Variants in FCAR observed in about 807,000 individuals in gnomAD.
FCAR encodes the protein immunoglobulin alpha Fc receptor.
In FCAR, 21 loss-of-function variants were observed where a neutral mutation model predicts 27.1. The observed-to-expected ratio is 0.77, with a 90% confidence interval of 0.55 to 1.11. FCAR has a LOEUF of 1.11. Ranked by LOEUF, FCAR falls within the 50% of genes most tolerant of loss-of-function variation. The pLI, the probability that FCAR is intolerant of heterozygous loss-of-function variation, is 0.00. For synonymous variants in FCAR, 134 were observed against 135.8 expected (o/e 0.99, Z 0.09); for missense variants, 404 against 358.4 (o/e 1.13, Z -1.03).
In FCAR at chr19:54,885,519, G is replaced by A. The variant is rs1293319481; in HGVS notation, c.355G>A (p.Val119Met). 2.5e-6 allele frequency: 4 copies of A among 1,609,398 alleles called. No homozygotes were observed. Among genetic ancestry groups the A allele is most frequent in the Non-Finnish European group, 3.4e-6 (4 of 1,175,768 alleles). Residue 119 changes from valine to methionine, a missense_variant, in exon 3 of 5, where the codon GTG becomes ATG. Transcript: ENST00000355524. The stretch of plus-strand genomic sequence containing the variant: ...GTACAGTGACACCCTGGAGCTGGTA[G>A]TGACAGGTAAGGAAACATCCAGGGT... ...FRYSDTLELV[V>M]TGLYGKPFLS... is the part of the protein sequence containing the mutation.
At chr19:54,882,801 T>G (rs114187966) in intron 2 of FCAR, among the ~76,000 whole-genome samples, 1 of 152,134 alleles carries the variant, frequency 6.6e-6, no homozygotes, top group African/African-American at 2.4e-5. Flanking sequence ...GTCGGTTGAG[T>G]ACAGTCGCTT....
At chr19:54,881,079 A>C (rs1237868079) in intron 2 of FCAR, among the ~76,000 whole-genome samples, 2 of 152,216 alleles carry the variant, frequency 1.3e-5, no homozygotes, top group African/African-American at 4.8e-5. Context: ...GCTTGGGGGC[A>C]GCAGGGGAAG....
intron 2 of FCAR, among the ~76,000 whole-genome samples, chr19:54,876,414 A>AG (rs2066091922): frequency 1.3e-5 from 2 of 152,240 alleles, no homozygotes; most frequent in African/African-American, 4.8e-5. Context: ...CCAGTTTTCA[A>AG]GGGGAATACT....
intron 1 of FCAR, among the ~76,000 whole-genome samples, chr19:54,874,696 GTTACTA>G (rs149228263): frequency 0.13 from 19,067 of 152,078 alleles, 1,357 homozygotes; most frequent in African/African-American, 0.2. Flanking sequence ...TAGAAATATG[GTTACTA>G]GTATTTTGTT....
chr19:54,884,371 C>A (rs1345038029), intron 2 of FCAR, among the ~76,000 whole-genome samples: 2 of 152,190 alleles, frequency 1.3e-5, no homozygotes, highest in African/African-American at 4.8e-5. Flanking sequence ...GTGGCTCACG[C>A]TTGTAATCCC....
chr19:54,875,472 T>A (rs2066043566), intron 2 of FCAR, 107 bp downstream of exon 2: 5 of 898,428 alleles, frequency 5.6e-6, no homozygotes, highest in African/African-American at 5.0e-5. Context: ...TAATCCCCAT[T>A]CTAGTTGTTT....
Position 54,889,902 on chromosome 19 carries a change from G to A in FCAR, c.*39G>A. The A allele has an allele frequency of 1.4e-6, 2 of 1,425,946 alleles. No individual in the cohort carries two copies. The highest frequency in any genetic ancestry group is 2.0e-6 in the Non-Finnish European group (2 of 1,024,794). 88.3% of individuals were successfully genotyped at this position (1,425,946 alleles called of 1,614,324 possible). A position where few individuals can be genotyped will look rare whatever the true frequency, so the allele number is the denominator to read the frequency against. ...AAGGCAGAGAGGAGCCAGGACTGTG[G>A]AGTCCGACAAAGCTACTTGAAGGAC... On this transcript the variant is annotated 3_prime_UTR_variant, in exon 5 of 5. Transcript: ENST00000355524.
chr19:54,888,065 GA>G lies in FCAR; in HGVS notation c.422del (p.Asn141IlefsTer88), dbSNP rs1226633818. ...DRGLVLMPGE[N>X]ISLTCSSAHI... Reference sequence around the variant, plus strand: ...GGGGTCTGGTGTTGATGCCAGGAGAGAATATTTCCCTCACGTGCAGCTCAGC... The same window carrying G: ...GGGGTCTGGTGTTGATGCCAGGAGAGATATTTCCCTCACGTGCAGCTCAGC... On this transcript the variant is annotated frameshift_variant, in exon 4 of 5. Transcript: ENST00000355524. LOFTEE classifies it high-confidence loss of function. The G allele has an allele frequency of 3.1e-6, 5 of 1,613,960 alleles. No homozygotes were observed. The highest frequency in any genetic ancestry group is 3.4e-6 in the Non-Finnish European group (4 of 1,179,950).
In FCAR at chr19:54,874,273, G is replaced by A; in HGVS notation, c.-17G>A. The A allele has an allele frequency of 6.2e-7, 1 of 1,614,128 alleles. No homozygotes were observed. ...GCATTGAAAGGAGAGCAACGGGGCTGAGGCCGTGTCAGCACGATGGACCCC... is the reference window on the plus strand; with the variant it reads ...GCATTGAAAGGAGAGCAACGGGGCTAAGGCCGTGTCAGCACGATGGACCCC... On this transcript the variant is annotated 5_prime_UTR_variant, in exon 1 of 5. Transcript: ENST00000355524.
Position 54,888,191 on chromosome 19 carries a change from T to C in FCAR, c.546T>C (p.Pro182=), listed in dbSNP as rs1266205959. ...GEHPANFSLG[P]VDLNVSGIYR... is the part of the protein sequence containing the mutation. ...ACCCGGCCAACTTCTCTTTGGGTCC[T>C]GTGGACCTCAATGTCTCAGGGATCT... The change falls in exon 4 of 5, where the codon CCT becomes CCC. Residue 182 remains proline (P), a synonymous_variant. Coordinates refer to ENST00000355524, the MANE Select transcript of FCAR (RefSeq NM_002000.4). 1 of 1,614,028 alleles carries C rather than the reference T, an allele frequency of 6.2e-7. No homozygotes were observed. The highest frequency in any genetic ancestry group is 8.5e-7 in the Non-Finnish European group (1 of 1,180,010).
intron 3 of FCAR, among the ~76,000 whole-genome samples, chr19:54,885,939 C>T (rs1356506292): frequency 1.3e-5 from 2 of 151,216 alleles, no homozygotes; most frequent in African/African-American, 4.9e-5. Flanking sequence ...TGGTGAATTC[C>T]CCGTCTCTAC....
chr19:54,875,046 C>T (rs987266529), intron 1 of FCAR, among the ~76,000 whole-genome samples: 2 of 152,058 alleles, frequency 1.3e-5, no homozygotes, highest in African/African-American at 4.8e-5. Flanking sequence ...TGGCGGGCGC[C>T]TGTAGTCCCA....
At chr19:54,883,039 T>C (rs2066511019) in intron 2 of FCAR, among the ~76,000 whole-genome samples, 1 of 151,034 alleles carries the variant, frequency 6.6e-6, no homozygotes, top group Admixed American at 6.6e-5. Context: ...CAGGGTCTTG[T>C]TCTGTCGCCC....
rs926932319 is a variant in FCAR, at chr19:54,890,799, AC to A, written c.*942del. The A allele has an allele frequency of 2.7e-5, 4 of 150,566 alleles. No homozygotes were observed. The highest frequency in any genetic ancestry group is 4.9e-5 in the African/African-American group (2 of 40,944). 9.3% of individuals were successfully genotyped at this position (150,566 alleles called of 1,614,324 possible). A position where few individuals can be genotyped will look rare whatever the true frequency, so the allele number is the denominator to read the frequency against. On this transcript the variant is annotated 3_prime_UTR_variant, in exon 5 of 5. Transcript: ENST00000355524. The stretch of plus-strand genomic sequence containing the variant: ...GTAAGCATGCCAAATATATTCAATA[AC>A]CCCCCTCCTTTATTTTTTTTTGTTG...
At chr19:54,875,609 T>C (rs2066051040) in intron 2 of FCAR, among the ~76,000 whole-genome samples, 1 of 152,242 alleles carries the variant, frequency 6.6e-6, no homozygotes, top group Non-Finnish European at 1.5e-5. Flanking sequence ...GAAGGATCTG[T>C]AATTTACTGA....
chr19:54,884,990 T>C (rs956453526), intron 2 of FCAR, among the ~76,000 whole-genome samples: 2 of 152,024 alleles, frequency 1.3e-5, no homozygotes, highest in African/African-American at 4.8e-5. Flanking sequence ...GTATTTTCAG[T>C]AGACACGGGG....
intron 2 of FCAR, among the ~76,000 whole-genome samples, chr19:54,883,416 T>C (rs749882214): frequency 2.4e-4 from 37 of 152,142 alleles, no homozygotes; most frequent in Non-Finnish European, 4.1e-4. Context: ...TTTGTTAGGA[T>C]TGTTCTGCCC....
intron 2 of FCAR, among the ~76,000 whole-genome samples, chr19:54,883,478 C>T (rs587595537): frequency 1.3e-5 from 2 of 152,264 alleles, no homozygotes; most frequent in South Asian, 4.1e-4. Context: ...TATCCTTCCC[C>T]GGCCAGCCCT....
At chr19:54,884,166 C>T (rs2066572613) in intron 2 of FCAR, among the ~76,000 whole-genome samples, 1 of 152,196 alleles carries the variant, frequency 6.6e-6, no homozygotes, top group South Asian at 2.1e-4. Context: ...AGAAGCTGGG[C>T]CACTATGCTG....
Sources: allele counts gnomAD v4.1 joint callset (sites outside exome capture counted in the v4.1 genomes callset), GRCh38; gene constraint gnomAD v4.1.1; transcripts MANE v1.5; gene names NCBI Gene and HGNC (gene_info 2026-07-23, HGNC 2026-07-21).